Variants in ETF1 observed in about 807,000 individuals in gnomAD.
ETF1 encodes eukaryotic peptide chain release factor subunit 1.
In ETF1, 4 loss-of-function variants were observed where a neutral mutation model predicts 55.1. That is an observed-to-expected ratio of 0.07 (90% CI 0.04 to 0.17). The LOEUF (loss-of-function observed/expected upper bound fraction) is 0.17. ETF1 is among the 10% of genes least tolerant of loss of function. The pLI, the probability that ETF1 is intolerant of heterozygous loss-of-function variation, is 1.00. For missense variants in ETF1, 142 were observed against 523.6 expected (o/e 0.27, Z 7.11); for synonymous variants, 157 against 182.3 (o/e 0.86, Z 1.12).
intron 2 of ETF1, among the ~76,000 whole-genome samples, chr5:138,528,812 G>C (rs922054601): frequency 6.6e-6 from 1 of 152,026 alleles, no homozygotes; most frequent in African/African-American, 2.4e-5. Context: ...AATTTAAAGG[G>C]TACTTTAATA....
Position 138,508,820 on chromosome 5 carries a change from C to T in ETF1, c.1084-4G>A, listed in dbSNP as rs1201072197. 1.2e-6 allele frequency: 2 copies of T among 1,612,846 alleles called. No homozygotes were observed. Among genetic ancestry groups the T allele is most frequent in the South Asian group, 1.1e-5 (1 of 90,922 alleles). ...TAAGCTCATGTTCCTGTCCGGTCTACAGGGATGACCATGAGATACAAAAAT... is the reference window on the plus strand; with the variant it reads ...TAAGCTCATGTTCCTGTCCGGTCTATAGGGATGACCATGAGATACAAAAAT... On this transcript the variant is annotated splice_region_variant and splice_polypyrimidine_tract_variant and intron_variant, in intron 9 of 10. Transcript: ENST00000360541.
intron 2 of ETF1, among the ~76,000 whole-genome samples, chr5:138,538,848 G>T (rs1216016116): frequency 2.0e-5 from 3 of 152,038 alleles, no homozygotes; most frequent in Admixed American, 2.0e-4. Context: ...TTATCTCTAA[G>T]ATTTAAAACA....
intron 9 of ETF1, 165 bp from the exon 10 acceptor site, chr5:138,508,981 A>G (rs1245785845): frequency 1.0e-6 from 1 of 967,710 alleles, no homozygotes; most frequent in Non-Finnish European, 1.2e-6. Context: ...AACCTAATGG[A>G]TATCAGCAGA....
chr5:138,517,424 C>T (rs1004654055), intron 4 of ETF1, 137 bp downstream of exon 4: 2 of 424,864 alleles, frequency 4.7e-6, no homozygotes, highest in Admixed American at 8.4e-5. Context: ...AAGTACAGCA[C>T]AAGCATATCT....
In ETF1 at chr5:138,524,638, C is replaced by T. The variant is rs1431716888; in HGVS notation, c.87-5771G>A. Among the ~76,000 whole-genome samples, 12 of 140,398 alleles carry T rather than the reference C, an allele frequency of 8.5e-5. No homozygotes were observed. The South Asian group carries it at 2.1e-3, about 25-fold the overall frequency. The allele number at this position is 140,398 out of a possible 152,430, so 92.1% of individuals were successfully genotyped here. ...CTGTCACCAGGCTGCAGTGCAGTGG[C>T]GCGATCTCGGCTCACTGTAGCCTCT... is the stretch of plus-strand genomic sequence containing the variant. On this transcript the variant is annotated intron_variant, in intron 2 of 10. Coordinates refer to ENST00000360541, the MANE Select transcript of ETF1 (RefSeq NM_004730.4).
At chr5:138,525,936 C>A (rs1222961998) in intron 2 of ETF1, among the ~76,000 whole-genome samples, 2 of 91,920 alleles carry the variant, frequency 2.2e-5, no homozygotes, top group Admixed American at 1.4e-4. Flanking sequence ...CAGAGTGAGA[C>A]TCTGTTTAAA....
In ETF1 at chr5:138,542,909, C is replaced by A; in HGVS notation, c.10G>T (p.Asp4Tyr). Residue 4 changes from aspartate (D) to tyrosine (Y), a missense_variant, in exon 2 of 11, where the codon GAC (aspartate) becomes TAC (tyrosine). By Grantham distance (160) the Asp-to-Tyr change is radical. This residue lies in a region of ETF1 where 13 missense variants were observed against 16.9 expected (regional missense o/e 0.77). Transcript: ENST00000360541. Reference sequence around the variant, plus strand: ...ACGTTCCTGTCGGCAGCACTGGGGTCGTCCGCCATCTTCTCGCCTCCTCCT... The same window carrying A: ...ACGTTCCTGTCGGCAGCACTGGGGTAGTCCGCCATCTTCTCGCCTCCTCCT... MAD[D>Y]PSAADRNVEI... 6.2e-7 allele frequency: 1 copy of A among 1,613,718 alleles called. No homozygotes were observed. Among genetic ancestry groups the A allele is most frequent in the Non-Finnish European group, 8.5e-7 (1 of 1,179,912 alleles).
intron 2 of ETF1, among the ~76,000 whole-genome samples, chr5:138,534,200 G>C (rs1765820582): frequency 6.6e-6 from 1 of 152,150 alleles, no homozygotes; most frequent in Non-Finnish European, 1.5e-5. Context: ...GTTCATTTTA[G>C]CTTTCTGTCC....
rs1383107254 is a variant in ETF1, at chr5:138,523,467, G to A, written c.87-4600C>T. 2.0e-5 allele frequency among the ~76,000 whole-genome samples: 3 copies of A among 152,170 alleles called. No individual in the cohort carries two copies. In the East Asian group the frequency reaches 5.8e-4, roughly 29 times the overall value. ...GAGAATCGCTTGAACCCGGGAGGTGGGGGATGCAGTGAGCCGAGACCACGC... is the reference window on the plus strand; with the variant it reads ...GAGAATCGCTTGAACCCGGGAGGTGAGGGATGCAGTGAGCCGAGACCACGC... On this transcript the variant is annotated intron_variant, in intron 2 of 10. Coordinates refer to ENST00000360541, the MANE Select transcript of ETF1 (RefSeq NM_004730.4).
At chr5:138,539,868 C>G (rs1663195928) in intron 2 of ETF1, among the ~76,000 whole-genome samples, 1 of 152,152 alleles carries the variant, frequency 6.6e-6, no homozygotes, top group Non-Finnish European at 1.5e-5. Flanking sequence ...CTGAACTCTG[C>G]TACATTTTTG....
At chr5:138,540,043 T>C (rs1766109223) in intron 2 of ETF1, among the ~76,000 whole-genome samples, 1 of 152,226 alleles carries the variant, frequency 6.6e-6, no homozygotes, top group Non-Finnish European at 1.5e-5. Context: ...TTTATTCAGA[T>C]GTAGTTAGTG....
chr5:138,538,578 T>G (rs1228275987), intron 2 of ETF1, among the ~76,000 whole-genome samples: 2 of 152,166 alleles, frequency 1.3e-5, no homozygotes, highest in African/African-American at 4.8e-5. Context: ...AAAGTCTTCT[T>G]TATGAGCCTG....
intron 2 of ETF1, among the ~76,000 whole-genome samples, chr5:138,522,958 A>G (rs1219761251): frequency 1.3e-5 from 2 of 152,104 alleles, no homozygotes; most frequent in African/African-American, 4.8e-5. Flanking sequence ...GTTAGCCAAG[A>G]TAGCGCCACT....
At chr5:138,521,133 T>C (rs1010711121) in intron 2 of ETF1, among the ~76,000 whole-genome samples, 2 of 152,066 alleles carry the variant, frequency 1.3e-5, no homozygotes, top group Non-Finnish European at 2.9e-5. Context: ...GTGTGCACAA[T>C]GAAATATTAT....
chr5:138,535,807 G>A (rs983713350), intron 2 of ETF1, among the ~76,000 whole-genome samples: 6 of 145,278 alleles, frequency 4.1e-5, no homozygotes, highest in Non-Finnish European at 6.0e-5. Flanking sequence ...CCTGGGAGGT[G>A]GAGGTTGCAG....
chr5:138,541,436 T>G, intron 2 of ETF1: 1 of 979,416 alleles, frequency 1.0e-6, no homozygotes, highest in Non-Finnish European at 1.6e-6. Flanking sequence ...AGCCCGTCAC[T>G]GAATGGGGCC....
In ETF1 at chr5:138,508,357, C is replaced by T; in HGVS notation, c.1262G>A (p.Gly421Glu). ...GILRYRVDFQ[G>E]MEYQGGDDEF... The stretch of plus-strand genomic sequence containing the variant: ...ATCGTCTCCTCCTTGGTATTCCATT[C>T]CCTGGAAATCTACTCGGTACCGCAA... The change falls in exon 11 of 11, where the codon GGA (glycine) becomes GAA (glutamate). Residue 421 changes from glycine to glutamate, a missense_variant. This residue lies in a region of ETF1 where 82 missense variants were observed against 232.9 expected (regional missense o/e 0.35). Coordinates refer to ENST00000360541, the MANE Select transcript of ETF1 (RefSeq NM_004730.4). The T allele has an allele frequency of 4.3e-6, 7 of 1,613,996 alleles. No individual in the cohort carries two copies. The highest frequency in any genetic ancestry group is 5.9e-6 in the Non-Finnish European group (7 of 1,180,008).
At chr5:138,536,625 T>C (rs1765944104) in intron 2 of ETF1, among the ~76,000 whole-genome samples, 1 of 152,184 alleles carries the variant, frequency 6.6e-6, no homozygotes, top group South Asian at 2.1e-4. Flanking sequence ...CTGAGAGCCC[T>C]AGAGAATAGG....
intron 2 of ETF1, chr5:138,541,602 T>A: frequency 2.0e-6 from 3 of 1,530,804 alleles, no homozygotes; most frequent in Non-Finnish European, 2.6e-6. Context: ...GCTGTCATTC[T>A]AAAATTGCAA....
Sources: gnomAD v4.1 joint callset for allele counts (sites outside exome capture counted in the v4.1 genomes callset) on GRCh38, gnomAD v4.1.1 for gene constraint, gnomAD v4.1.1 regional missense constraint, MANE v1.5 for transcripts, NCBI Gene and HGNC (gene_info 2026-07-23, HGNC 2026-07-21) for gene names.